The following MCM3AP variants were observed in gnomAD, a reference collection of about 807,000 sequenced individuals.
The protein encoded by MCM3AP is germinal-center associated nuclear protein.
A neutral mutation model predicts 184.1 loss-of-function variants in MCM3AP; 126 were observed. The ratio of observed to expected loss-of-function variants is 0.68; its 90% confidence interval spans 0.59 to 0.79. The LOEUF (loss-of-function observed/expected upper bound fraction) is 0.79, where lower values mean the gene tolerates loss of function less well. Ranked by LOEUF, MCM3AP falls within the 30% of genes least tolerant of loss-of-function variation. MCM3AP has a pLI of 0.00. For synonymous variants in MCM3AP, 1,002 were observed against 979.3 expected, an observed-to-expected ratio of 1.02 and a Z score of -0.43; for missense variants, 2,496 against 2,479.2, an observed-to-expected ratio of 1.01 and a Z score of -0.14.
chr21:46,261,589 C>A lies in MCM3AP; in HGVS notation c.3336-178G>T, dbSNP rs546031175. The stretch of plus-strand genomic sequence containing the variant: ...CTCTACTAAAAATACAAAAATTAGC[C>A]AGGCGCGGCAGCACACGCCTGTAGC... On this transcript the variant is annotated intron_variant, in intron 13 of 27. Coordinates refer to ENST00000291688, the MANE Select transcript of MCM3AP (RefSeq NM_003906.5). Among the ~76,000 whole-genome samples the A allele has an allele frequency of 9.2e-5, 14 of 152,016 alleles. No individual in the cohort carries two copies. The East Asian group carries it at 2.7e-3, about 30-fold the overall frequency.
Position 46,240,875 on chromosome 21 carries a change from C to G in MCM3AP, c.5569G>C (p.Ala1857Pro). ...AAACACTGCGCCAAGAGCTCCTCAGCAGAAGCTCCTCGCATCAGATCCTCT... is the reference window on the plus strand; with the variant it reads ...AAACACTGCGCCAAGAGCTCCTCAGGAGAAGCTCCTCGCATCAGATCCTCT... ...STEDLMRGAS[A>P]EELLAQCLSS... is the part of the protein sequence containing the mutation. The change falls in exon 26 of 28, where the codon GCT becomes CCT. Residue 1857 changes from alanine (A) to proline (P), a missense_variant. Ala to Pro is a conservative substitution (Grantham distance 27). Around this residue, in one of 5 missense-constraint regions of MCM3AP, gnomAD observed 1,323 missense variants for 1,273.4 expected, o/e 1.04. Coordinates refer to ENST00000291688, the MANE Select transcript of MCM3AP (RefSeq NM_003906.5). 6.2e-7 allele frequency: 1 copy of G among 1,614,248 alleles called. No individual in the cohort carries two copies. Among genetic ancestry groups the G allele is most frequent in the Non-Finnish European group, 8.5e-7 (1 of 1,180,036 alleles).
chr21:46,249,471 AAGCCACTATGC>A (rs890350990), intron 20 of MCM3AP: 13 of 397,710 alleles, frequency 3.3e-5, no homozygotes, highest in African/African-American at 2.3e-4. Context: ...TTACAGGCAT[AAGCCACTATGC>A]GCGGCCAGGA....
chr21:46,279,636 A>G (rs2081302558), intron 4 of MCM3AP, among the ~76,000 whole-genome samples: 1 of 152,240 alleles, frequency 6.6e-6, no homozygotes, highest in Admixed American at 6.5e-5. Flanking sequence ...CCAAGATGGA[A>G]ACAAGAAAAA....
At chr21:46,247,466 A>G in intron 20 of MCM3AP, among the ~76,000 whole-genome samples, 1 of 15,212 alleles carries the variant, frequency 6.6e-5, no homozygotes, top group Admixed American at 6.9e-4. Context: ...GCTCCCTGCA[A>G]TTTCTGCCTC....
At chr21:46,239,495 T>G (rs949363420) in intron 26 of MCM3AP, among the ~76,000 whole-genome samples, 11 of 152,330 alleles carry the variant, frequency 7.2e-5, no homozygotes, top group Admixed American at 3.9e-4. Context: ...CCAAGGCACC[T>G]GATCTAGGCA....
intron 6 of MCM3AP, among the ~76,000 whole-genome samples, chr21:46,273,946 G>A (rs1025642091): frequency 6.6e-6 from 1 of 152,230 alleles, no homozygotes; most frequent in Admixed American, 6.5e-5. Flanking sequence ...TCTACACAGA[G>A]CAGAAGTGAA....
intron 5 of MCM3AP, among the ~76,000 whole-genome samples, 172 bp from the exon 6 acceptor site, chr21:46,275,497 T>G (rs1328408069): frequency 6.6e-6 from 1 of 152,008 alleles, no homozygotes; most frequent in African/African-American, 2.4e-5. Context: ...GGACTTATGG[T>G]CTATTATGCC....
chr21:46,264,925 T>G (rs8130674), intron 12 of MCM3AP, among the ~76,000 whole-genome samples: 2 of 148,372 alleles, frequency 1.3e-5, no homozygotes, highest in Non-Finnish European at 3.0e-5. Context: ...TCCATGCATA[T>G]TGGGGTCCCA....
intron 19 of MCM3AP, chr21:46,252,728 T>A (rs1470320249): frequency 6.6e-6 from 1 of 152,146 alleles, no homozygotes; most frequent in Admixed American, 6.5e-5. Flanking sequence ...AAAGGTGTTC[T>A]GGAATTATTA....
At chr21:46,274,411 A>T (rs1569077557) in intron 6 of MCM3AP, among the ~76,000 whole-genome samples, 1 of 152,256 alleles carries the variant, frequency 6.6e-6, no homozygotes, top group African/African-American at 2.4e-5. Context: ...TTACTAATAG[A>T]ACTAAAAATT....
chr21:46,254,221 A>C, intron 19 of MCM3AP, 171 bp downstream of exon 19: 3 of 685,846 alleles, frequency 4.4e-6, no homozygotes, highest in Non-Finnish European at 7.3e-6. Context: ...ATCAAATCTA[A>C]AGTTTCAACT....
intron 7 of MCM3AP, 36 bp downstream of exon 7, chr21:46,273,352 G>A: frequency 3.2e-6 from 5 of 1,580,958 alleles, no homozygotes; most frequent in Non-Finnish European, 4.3e-6. Flanking sequence ...GAATTTGCGT[G>A]GATTTTTTAG....
At chr21:46,244,614 A>G (rs1320347630) in intron 23 of MCM3AP, 193 bp downstream of exon 23, 2 of 632,206 alleles carry the variant, frequency 3.2e-6, no homozygotes, top group Non-Finnish European at 2.7e-6. Flanking sequence ...ACTCCACAAA[A>G]CCCAGCTTGT....
rs555844532 is a variant in MCM3AP at position 46,284,232 on chromosome 21, A to G, written c.1055T>C (p.Val352Ala). Reference protein sequence around the residue: ...IQDVFKSNKEVGRLGNKEAKK... With the variant: ...IQDVFKSNKEAGRLGNKEAKK... ...GGCCTCCTTGTTGCCCAGACGACCTACTTCCTTATTGCTTTTGAAAACATC... is the reference window on the plus strand; with the variant it reads ...GGCCTCCTTGTTGCCCAGACGACCTGCTTCCTTATTGCTTTTGAAAACATC... The change falls in exon 1 of 28, where the codon GTA (valine) becomes GCA (alanine). Residue 352 changes from valine to alanine, a missense_variant. Coordinates refer to ENST00000291688, the MANE Select transcript of MCM3AP (RefSeq NM_003906.5). 1 of 1,614,180 alleles carries G rather than the reference A, an allele frequency of 6.2e-7. No individual in the cohort carries two copies. Among genetic ancestry groups the G allele is most frequent in the South Asian group, 1.1e-5 (1 of 91,070 alleles).
intron 19 of MCM3AP, chr21:46,252,558 G>C (rs1006753230): frequency 2.0e-5 from 3 of 152,086 alleles, no homozygotes; most frequent in African/African-American, 7.2e-5. Context: ...GCGTGGTGGT[G>C]TGCGCCTGTA....
chr21:46,282,354 C>T (rs2081344090), intron 2 of MCM3AP, among the ~76,000 whole-genome samples: 1 of 152,108 alleles, frequency 6.6e-6, no homozygotes, highest in African/African-American at 2.4e-5. Context: ...AAAACGTAGT[C>T]CATCCACTCA....
chr21:46,277,214 C>T (rs2081267218), intron 5 of MCM3AP, among the ~76,000 whole-genome samples: 3 of 152,288 alleles, frequency 2.0e-5, no homozygotes, highest in South Asian at 4.1e-4. Flanking sequence ...ATGCCCTGTC[C>T]AAGACGGAGC....
chr21:46,251,984 G>A (rs2080878940), intron 19 of MCM3AP: 1 of 214,708 alleles, frequency 4.7e-6, no homozygotes, highest in African/African-American at 2.4e-5. Context: ...ACCTGCCTCA[G>A]TAGCTGAGAC....
chr21:46,241,777 T>A (rs1056557410), intron 25 of MCM3AP: 2 of 152,238 alleles, frequency 1.3e-5, no homozygotes, highest in African/African-American at 4.8e-5. Context: ...TGGTTCAGGT[T>A]TCCTTTGCAC....
Sources: allele counts gnomAD v4.1 joint callset (sites outside exome capture counted in the v4.1 genomes callset), GRCh38; gene constraint gnomAD v4.1.1; regional missense constraint gnomAD v4.1.1; transcripts MANE v1.5; gene names NCBI Gene and HGNC (gene_info 2026-07-23, HGNC 2026-07-21).